The following CRACD variants were observed in gnomAD, a reference collection of about 807,000 sequenced individuals.
The protein encoded by CRACD is capping protein inhibiting regulator of actin dynamics.
In CRACD, 56 loss-of-function variants were observed where a neutral mutation model predicts 106.8. The observed-to-expected ratio is 0.52, with a 90% CI of 0.42 to 0.66. CRACD has a LOEUF of 0.66. Among genes scored for constraint, CRACD ranks in the 30% least tolerant of loss-of-function variants. The pLI is 0.00. For missense variants in CRACD, 1,730 were observed against 1,623.2 expected (o/e 1.07, Z -1.13); for synonymous variants, 754 against 670.8 (o/e 1.12, Z -1.92).
At chr4:56,152,620 A>C (rs987208266) in intron 1 of CRACD, among the ~76,000 whole-genome samples, 1 of 152,034 alleles carries the variant, frequency 6.6e-6, no homozygotes, top group Non-Finnish European at 1.5e-5. Flanking sequence ...GCTCTCTTGC[A>C]CCCAGGAGTT....
intron 1 of CRACD, among the ~76,000 whole-genome samples, chr4:56,157,435 A>G (rs751078103): frequency 6.6e-6 from 1 of 152,248 alleles, no homozygotes; most frequent in Non-Finnish European, 1.5e-5. Context: ...TAGAAGATCA[A>G]GAAATGAAGG....
intron 3 of CRACD, among the ~76,000 whole-genome samples, chr4:56,277,516 A>G (rs1742745335): frequency 6.6e-6 from 1 of 152,092 alleles, no homozygotes; most frequent in Admixed American, 6.5e-5. Context: ...GATAAAGAGC[A>G]TCTGAAAAAT....
chr4:56,050,609 AT>A (rs1437369095), intron 1 of CRACD, among the ~76,000 whole-genome samples: 2 of 152,176 alleles, frequency 1.3e-5, no homozygotes, highest in African/African-American at 4.8e-5. Flanking sequence ...TGTCTCCTTT[AT>A]CCTTTGGGAA....
intron 3 of CRACD, among the ~76,000 whole-genome samples, chr4:56,273,970 C>A (rs1326270166): frequency 6.6e-6 from 1 of 152,176 alleles, no homozygotes; most frequent in African/African-American, 2.4e-5. Flanking sequence ...AATTACAAAA[C>A]CCTCAGACCA....
chr4:56,142,404 T>C (rs1735235207), intron 1 of CRACD, among the ~76,000 whole-genome samples: 1 of 152,216 alleles, frequency 6.6e-6, no homozygotes, highest in Non-Finnish European at 1.5e-5. Context: ...TTCTGAAAGT[T>C]TGTGCCTTTT....
rs750446633 is a variant in CRACD, at chr4:56,316,644, A to G, written c.3142A>G (p.Thr1048Ala). The G allele has an allele frequency of 1.9e-6, 3 of 1,613,194 alleles. No homozygotes were observed. The highest frequency in any genetic ancestry group is 3.3e-5 in the Admixed American group (2 of 60,018). Residue 1048 changes from threonine (T) to alanine (A), a missense_variant, in exon 8 of 11, where the codon ACT becomes GCT. Transcript: ENST00000682029. ...RKPASPPLPA[T>A]QQEKPSQTPE... is the part of the protein sequence containing the mutation. Reference sequence around the variant, plus strand: ...ACCTGCTTCCCCACCTCTGCCTGCCACTCAGCAAGAGAAACCTTCTCAAAC... The same window carrying G: ...ACCTGCTTCCCCACCTCTGCCTGCCGCTCAGCAAGAGAAACCTTCTCAAAC...
chr4:56,117,692 G>A (rs923057434), intron 1 of CRACD, among the ~76,000 whole-genome samples: 2 of 152,182 alleles, frequency 1.3e-5, no homozygotes, highest in Admixed American at 6.5e-5. Context: ...TTTATTTTAA[G>A]GGTATTTTAA....
intron 2 of CRACD, among the ~76,000 whole-genome samples, chr4:56,240,097 A>G (rs1393223055): frequency 2.0e-5 from 3 of 152,136 alleles, no homozygotes; most frequent in African/African-American, 7.2e-5. Flanking sequence ...CACTGATAAT[A>G]CAGAGCTATA....
chr4:56,076,536 T>C (rs1274831068), intron 1 of CRACD, among the ~76,000 whole-genome samples: 1 of 152,212 alleles, frequency 6.6e-6, no homozygotes, highest in African/African-American at 2.4e-5. Context: ...CAACATCCAA[T>C]TTGAACCTCA....
rs776810551 is a variant in CRACD, at chr4:56,310,676, C to G, written c.296C>G (p.Thr99Arg). Residue 99 changes from threonine (T) to arginine (R), a missense_variant, in exon 6 of 11, where the codon ACG becomes AGG. Thr to Arg is a moderately conservative substitution (Grantham distance 71, BLOSUM62 -1). Coordinates refer to ENST00000682029, the MANE Select transcript of CRACD (RefSeq NM_001393381.1). The part of the protein sequence containing the change: ...LSDAENKSSD[T>R]PSSLSPLNLP... Reference sequence around the variant, plus strand: ...CTCTTACTGTTCCAGTCCAGTGATACGCCAAGTTCTCTAAGTCCTCTGAAT... The same window carrying G: ...CTCTTACTGTTCCAGTCCAGTGATAGGCCAAGTTCTCTAAGTCCTCTGAAT... The G allele has an allele frequency of 1.2e-6, 2 of 1,610,186 alleles. No individual in the cohort carries two copies. The highest frequency in any genetic ancestry group is 1.1e-5 in the South Asian group (1 of 90,988).
chr4:56,163,909 A>G (rs530287971), intron 1 of CRACD, among the ~76,000 whole-genome samples: 26 of 151,932 alleles, frequency 1.7e-4, no homozygotes, highest in African/African-American at 5.6e-4. Flanking sequence ...CCATGCCCAG[A>G]TAATTTTTTT....
At position 56,324,106 on chromosome 4, in the gene CRACD, C is replaced by T. The variant is rs1746280072; in HGVS notation, c.3381C>T (p.Val1127=). The change falls in exon 10 of 11, where the codon GTC becomes GTT. Residue 1127 remains valine (V), a splice_region_variant and synonymous_variant. Transcript: ENST00000682029. ...KQAEKLSKEN[V]SVSVQPGSSS... is the part of the protein sequence containing the mutation. ...CATGACTGTCTCTGCCCACGCAGGTCAGTGTCAGCGTGCAGCCTGGAAGCA... is the reference window on the plus strand; with the variant it reads ...CATGACTGTCTCTGCCCACGCAGGTTAGTGTCAGCGTGCAGCCTGGAAGCA... The T allele has an allele frequency of 4.4e-6, 7 of 1,608,028 alleles. No individual in the cohort carries two copies. The East Asian group carries it at 1.6e-4, about 36-fold the overall frequency.
At chr4:56,218,806 C>T (rs1249346025) in intron 2 of CRACD, among the ~76,000 whole-genome samples, 1 of 152,092 alleles carries the variant, frequency 6.6e-6, no homozygotes, top group African/African-American at 2.4e-5. Flanking sequence ...CAAATAATTT[C>T]AGTCCCAAAG....
intron 4 of CRACD, among the ~76,000 whole-genome samples, chr4:56,307,260 C>T (rs576424885): frequency 1.3e-5 from 2 of 152,108 alleles, no homozygotes; most frequent in Non-Finnish European, 2.9e-5. Flanking sequence ...CCACCATGCC[C>T]ACTGGGAAAT....
chr4:56,315,887 C>G lies in CRACD; in HGVS notation c.2385C>G (p.Leu795=), dbSNP rs757540931. The G allele has an allele frequency of 1.2e-6, 2 of 1,614,090 alleles. No homozygotes were observed. Among genetic ancestry groups the G allele is most frequent in the Non-Finnish European group, 1.7e-6 (2 of 1,180,042 alleles). The change falls in exon 8 of 11, where the codon CTC becomes CTG. Residue 795 remains leucine (L), a synonymous_variant. Transcript: ENST00000682029. The surrounding 1 kb of genome is among the most constrained non-coding windows in gnomAD (Gnocchi z 4.1). ...AGGGATGCAAATTTGCCAAAGACCT[C>G]CCGTCTTTCCTTGTCCCAAGCCTTC... is the stretch of plus-strand genomic sequence containing the variant. ...TTEGCKFAKD[L]PSFLVPSLPY...
In CRACD at chr4:56,285,949, T is replaced by TCTATGAA. The variant is rs1258823359; in HGVS notation, c.-16-12265_-16-12264insCTATGAA. Among the ~76,000 whole-genome samples the TCTATGAA allele has an allele frequency of 2.6e-5, 4 of 152,248 alleles. No individual in the cohort carries two copies. In the East Asian group the frequency reaches 5.8e-4, roughly 22 times the overall value. On this transcript the variant is annotated intron_variant, in intron 3 of 10. Coordinates refer to ENST00000682029, the MANE Select transcript of CRACD (RefSeq NM_001393381.1). ...AAGAGGTAAGAGGTAATCCCTACAC[T>TCTATGAA]ACACAACCTCTGTTTCATAGAGCCA... is the stretch of plus-strand genomic sequence containing the variant.
chr4:56,089,922 G>A (rs988340848), intron 1 of CRACD, among the ~76,000 whole-genome samples: 15 of 152,122 alleles, frequency 9.9e-5, no homozygotes, highest in African/African-American at 3.1e-4. Flanking sequence ...TCCATCATTA[G>A]TCTGTATAAA....
chr4:56,133,325 C>G (rs1310081729), intron 1 of CRACD, among the ~76,000 whole-genome samples: 1 of 152,094 alleles, frequency 6.6e-6, no homozygotes, highest in African/African-American at 2.4e-5. Flanking sequence ...TAATTTTTAT[C>G]TTTTTAACAT....
chr4:56,090,677 A>G (rs554438573), intron 1 of CRACD, among the ~76,000 whole-genome samples: 12 of 152,018 alleles, frequency 7.9e-5, no homozygotes, highest in Non-Finnish European at 1.2e-4. Context: ...TTATATGTGT[A>G]AGCCACTGCG....
Sources: allele counts gnomAD v4.1 joint callset (sites outside exome capture counted in the v4.1 genomes callset), GRCh38; gene constraint gnomAD v4.1.1; non-coding constraint Gnocchi (gnomAD v3.1); transcripts MANE v1.5; gene names NCBI Gene and HGNC (gene_info 2026-07-23, HGNC 2026-07-21).